Variants in RASSF3 observed in about 807,000 individuals in gnomAD.
RASSF3 encodes Ras association domain family member 3.
In RASSF3, 19 loss-of-function variants were observed where a neutral mutation model predicts 19.9. The ratio of observed to expected loss-of-function variants is 0.96; its 90% CI spans 0.67 to 1.40. The LOEUF (loss-of-function observed/expected upper bound fraction) is 1.40. Ranked by LOEUF, RASSF3 falls within the 40% of genes most tolerant of loss-of-function variation. The probability of loss-of-function intolerance (pLI) is 0.00; values close to 1 mark genes in which losing one functional copy is unlikely to be tolerated. For synonymous variants in RASSF3, 110 were observed against 104.2 expected (o/e 1.06, Z -0.34); for missense variants, 306 against 289.8 (o/e 1.06, Z -0.41).
At chr12:64,591,808 T>G (rs1592410937) in intron 2 of RASSF3, among the ~76,000 whole-genome samples, 1 of 152,162 alleles carries the variant, frequency 6.6e-6, no homozygotes, top group African/African-American at 2.4e-5. Flanking sequence ...ACTATAAACC[T>G]AGATATAGTC....
At chr12:64,564,339 C>T (rs1869394092) in intron 2 of RASSF3, among the ~76,000 whole-genome samples, 1 of 152,076 alleles carries the variant, frequency 6.6e-6, no homozygotes, top group African/African-American at 2.4e-5. Context: ...CTTTGTTAGC[C>T]CCCTAAATTC....
rs187909901 is a variant in RASSF3, at chr12:64,663,724, T to G, written c.112-21063T>G. ...TTTCACCATGTTAGCCAGGCTGGCCTTGAACTCCTGACCTCAGGTGATCTG... is the reference window on the plus strand; with the variant it reads ...TTTCACCATGTTAGCCAGGCTGGCCGTGAACTCCTGACCTCAGGTGATCTG... On this transcript the variant is annotated intron_variant, in intron 1 of 4. Transcript: ENST00000542104. Among the ~76,000 whole-genome samples, 588 of 152,154 alleles carry G rather than the reference T, an allele frequency of 3.9e-3. 5 individuals carry two copies. The highest frequency in any genetic ancestry group is 6.8e-3 in the Non-Finnish European group (460 of 68,006).
chr12:64,638,318 T>C lies in RASSF3; in HGVS notation c.111+27575T>C, dbSNP rs545802310. Reference sequence around the variant, plus strand: ...AGTATGGGCCGGGCGCCGTGGCTCATGCCTGTAATCCCAGCACTTCGGGAG... The same window carrying C: ...AGTATGGGCCGGGCGCCGTGGCTCACGCCTGTAATCCCAGCACTTCGGGAG... On this transcript the variant is annotated intron_variant, in intron 1 of 4. Transcript: ENST00000542104. 3.3e-3 allele frequency among the ~76,000 whole-genome samples: 496 copies of C among 152,290 alleles called. 3 individuals are homozygous for C. The highest frequency in any genetic ancestry group is 0.011 in the African/African-American group (438 of 41,578).
chr12:64,560,665 A>G lies in RASSF3; in HGVS notation c.294+18960A>G, dbSNP rs565462933. ...ATGAGGGAGCCAGTCTCCAAACCCC[A>G]TCTTACTCTTGTTTTCTCAGACCAC... On this transcript the variant is annotated intron_variant, in intron 2 of 5. Transcript: ENST00000637125. 5.9e-5 allele frequency among the ~76,000 whole-genome samples: 9 copies of G among 152,330 alleles called. No homozygotes were observed. In the East Asian group the frequency reaches 1.3e-3, roughly 23 times the overall value.
chr12:64,630,625 T>C (rs748390800), intron 1 of RASSF3, among the ~76,000 whole-genome samples: 1 of 152,186 alleles, frequency 6.6e-6, no homozygotes, highest in Non-Finnish European at 1.5e-5. Context: ...GAATGAGTTA[T>C]AGCTAGTTCT....
At chr12:64,527,674 C>A (rs1282162213) in intron 1 of RASSF3, among the ~76,000 whole-genome samples, 3 of 152,192 alleles carry the variant, frequency 2.0e-5, no homozygotes, top group African/African-American at 7.2e-5. Flanking sequence ...GTGGCTCATG[C>A]CTGTAATCCC....
At chr12:64,579,815 T>G (rs1869660414) in intron 2 of RASSF3, among the ~76,000 whole-genome samples, 1 of 150,718 alleles carries the variant, frequency 6.6e-6, no homozygotes, top group African/African-American at 2.4e-5. Context: ...TTGGGTTTTT[T>G]TTTTTTTTTT....
intron 2 of RASSF3, among the ~76,000 whole-genome samples, chr12:64,585,086 A>G (rs922265238): frequency 4.6e-5 from 7 of 151,952 alleles, no homozygotes; most frequent in Non-Finnish European, 1.0e-4. Flanking sequence ...GGGTTTCACC[A>G]TGTTGGCCAG....
intron 2 of RASSF3, among the ~76,000 whole-genome samples, chr12:64,564,822 C>T (rs370417742): frequency 6.6e-6 from 1 of 151,208 alleles, no homozygotes; most frequent in African/African-American, 2.4e-5. Flanking sequence ...GCTCTGTTGC[C>T]CAGGCTGGAG....
At chr12:64,611,611 C>T (rs958107934) in intron 1 of RASSF3, 15 of 152,244 alleles carry the variant, frequency 9.9e-5, no homozygotes, top group African/African-American at 3.6e-4. Context: ...CCAGGGGAGC[C>T]GGGCCAACCC....
At chr12:64,524,256 T>G (rs1592388532) in intron 1 of RASSF3, among the ~76,000 whole-genome samples, 2 of 144,710 alleles carry the variant, frequency 1.4e-5, no homozygotes, top group East Asian at 3.9e-4. Context: ...ATTTATTTAT[T>G]TATTTATTTT....
intron 1 of RASSF3, among the ~76,000 whole-genome samples, chr12:64,520,778 T>C (rs1374242621): frequency 1.3e-5 from 2 of 151,682 alleles, no homozygotes; most frequent in East Asian, 1.9e-4. Context: ...AGATGACCGA[T>C]TGAAATTAGA....
chr12:64,537,018 C>T (rs1868841642), intron 1 of RASSF3, among the ~76,000 whole-genome samples: 2 of 152,208 alleles, frequency 1.3e-5, no homozygotes, highest in South Asian at 2.1e-4. Context: ...TGCTGGATTC[C>T]GTGCTCATCT....
At chr12:64,546,891 C>T (rs1869073216) in intron 2 of RASSF3, among the ~76,000 whole-genome samples, 1 of 152,046 alleles carries the variant, frequency 6.6e-6, no homozygotes, top group Admixed American at 6.6e-5. Flanking sequence ...AGCAGAAACT[C>T]CTAGAAGCTA....
At chr12:64,676,467 C>CTTTTT (rs34917109) in intron 1 of RASSF3, among the ~76,000 whole-genome samples, 5 of 69,772 alleles carry the variant, frequency 7.2e-5, no homozygotes, top group Non-Finnish European at 1.0e-4. Flanking sequence ...CTGTGCCCAG[C>CTTTTT]TTTTTTTTTT....
At chr12:64,572,975 T>C (rs999513521) in intron 2 of RASSF3, among the ~76,000 whole-genome samples, 1 of 152,216 alleles carries the variant, frequency 6.6e-6, no homozygotes, top group African/African-American at 2.4e-5. Flanking sequence ...CCTCAAGTGA[T>C]CCTCTTGCCT....
In RASSF3 at chr12:64,564,787, G is replaced by T. The variant is rs112673982; in HGVS notation, c.294+23082G>T. On this transcript the variant is annotated intron_variant, in intron 2 of 5. Transcript: ENST00000637125. ...ACTTTTTAGGTGTTTTTTGTTTTTT[G>T]TTTTTTTTTTTGAGAGGGAGTCTCG... 2.5e-4 allele frequency among the ~76,000 whole-genome samples: 20 copies of T among 80,068 alleles called. No individual in the cohort carries two copies. In the East Asian group the frequency reaches 4.4e-3, roughly 18 times the overall value. 52.5% of individuals were successfully genotyped at this position (80,068 alleles called of 152,430 possible).
intron 1 of RASSF3, among the ~76,000 whole-genome samples, chr12:64,513,542 C>T (rs1233073028): frequency 6.6e-6 from 1 of 151,812 alleles, no homozygotes; most frequent in Non-Finnish European, 1.5e-5. Flanking sequence ...TAACCTAACA[C>T]CAAAGGGCCA....
At chr12:64,684,761 T>C in intron 1 of RASSF3, 26 bp from the exon 2 acceptor site, 1 of 1,499,182 alleles carries the variant, frequency 6.7e-7, no homozygotes, top group Non-Finnish European at 9.3e-7. Context: ...ATTGCTCACA[T>C]GTGACATGTC....
Sources: gnomAD v4.1 joint callset for allele counts (sites outside exome capture counted in the v4.1 genomes callset) on GRCh38, gnomAD v4.1.1 for gene constraint, MANE v1.5 for transcripts, NCBI Gene and HGNC (gene_info 2026-07-23, HGNC 2026-07-21) for gene names.